METTL15: variants seen among roughly 807,000 people sequenced by gnomAD.
The protein encoded by METTL15 is methyltransferase 15, mitochondrial 12S rRNA N4-cytidine, also known as 12S rRNA N(4)-cytidine methyltransferase METTL15.
METTL15 carries 34 observed loss-of-function variants against 38.3 expected under a neutral mutation model. The observed-to-expected ratio is 0.89, with a 90% CI of 0.68 to 1.18. The LOEUF is 1.18. Among genes scored for constraint, METTL15 ranks in the 50% most tolerant of loss-of-function variants. The pLI, the probability that METTL15 is intolerant of heterozygous loss-of-function variation, is 0.00. For missense variants in METTL15, 438 were observed against 498.4 expected, an observed-to-expected ratio of 0.88 and a Z score of 1.15; for synonymous variants, 162 against 170.9, an observed-to-expected ratio of 0.95 and a Z score of 0.41.
chr11:28,297,022 T>C, intron 6 of METTL15, 91 bp downstream of exon 6: 1 of 1,298,260 alleles, frequency 7.7e-7, no homozygotes, highest in Non-Finnish European at 1.1e-6. Flanking sequence ...TGCACATGTG[T>C]GTGTGCATTA....
chr11:28,397,872 A>C (rs1488270956), intron 5 of METTL15, among the ~76,000 whole-genome samples: 3 of 152,192 alleles, frequency 2.0e-5, no homozygotes, highest in Non-Finnish European at 4.4e-5. Context: ...GGATTAAGAA[A>C]ATGTGGCACA....
intron 5 of METTL15, among the ~76,000 whole-genome samples, chr11:28,391,468 T>C (rs1386183909): frequency 6.6e-6 from 1 of 152,044 alleles, no homozygotes; most frequent in Non-Finnish European, 1.5e-5. Context: ...AAAGACCTTT[T>C]CTGCATCTAT....
intron 6 of METTL15, among the ~76,000 whole-genome samples, chr11:28,508,431 T>C (rs1370044457): frequency 6.6e-6 from 1 of 152,246 alleles, no homozygotes; most frequent in Non-Finnish European, 1.5e-5. Context: ...TTAGAATTTA[T>C]CAACACCATC....
chr11:28,391,798 T>G (rs1481968406), intron 5 of METTL15, among the ~76,000 whole-genome samples: 1 of 152,170 alleles, frequency 6.6e-6, no homozygotes, highest in African/African-American at 2.4e-5. Context: ...TCCTTTCACC[T>G]TACACAAAAA....
chr11:28,217,183 G>A (rs1030468897), intron 4 of METTL15, among the ~76,000 whole-genome samples: 4 of 152,096 alleles, frequency 2.6e-5, no homozygotes, highest in African/African-American at 7.2e-5. Context: ...CACCAACAGT[G>A]TAAAAGTGTT....
intron 3 of METTL15, among the ~76,000 whole-genome samples, chr11:28,194,397 A>T (rs1851832454): frequency 6.6e-6 from 1 of 151,296 alleles, no homozygotes; most frequent in African/African-American, 2.4e-5. Context: ...ATGGAGTTTT[A>T]CCATGTTGGT....
chr11:28,335,028 A>C (rs1174590161), downstream of METTL15, among the ~76,000 whole-genome samples: 1 of 152,198 alleles, frequency 6.6e-6, no homozygotes, highest in Non-Finnish European at 1.5e-5. Flanking sequence ...TGTCCTATTA[A>C]ATATATCATT....
At chr11:28,221,083 G>A (rs1853191318) in intron 4 of METTL15, among the ~76,000 whole-genome samples, 1 of 152,012 alleles carries the variant, frequency 6.6e-6, no homozygotes, top group African/African-American at 2.4e-5. Context: ...TGTTCTCTGT[G>A]TTTCCTGCAT....
At chr11:28,166,777 T>C (rs902011759) in intron 3 of METTL15, among the ~76,000 whole-genome samples, 8 of 152,112 alleles carry the variant, frequency 5.3e-5, no homozygotes, top group African/African-American at 1.9e-4. Context: ...TGGTGAAAAC[T>C]GTCTCTACCA....
At chr11:28,213,419 A>G (rs188379749) in intron 4 of METTL15, among the ~76,000 whole-genome samples, 162 of 152,184 alleles carry the variant, frequency 1.1e-3, no homozygotes, top group African/African-American at 2.2e-3. Context: ...AACCATAGAC[A>G]CAAGATAAGT....
At chr11:28,509,268 A>G (rs1851655447) in intron 6 of METTL15, among the ~76,000 whole-genome samples, 1 of 152,246 alleles carries the variant, frequency 6.6e-6, no homozygotes, top group Non-Finnish European at 1.5e-5. Context: ...CAGTGTAAAC[A>G]TAAGGTATTC....
At chr11:28,268,835 G>T (rs1253549494) in intron 4 of METTL15, among the ~76,000 whole-genome samples, 1 of 152,082 alleles carries the variant, frequency 6.6e-6, no homozygotes, top group Non-Finnish European at 1.5e-5. Context: ...GAATCACTTT[G>T]TCTTGGGGTA....
In METTL15 at chr11:28,109,932, GT is replaced by G. The variant is rs551716564; in HGVS notation, c.-253-231del. Among the ~76,000 whole-genome samples, 16 of 152,282 alleles carry G rather than the reference GT, an allele frequency of 1.1e-4. No individual in the cohort carries two copies. In the South Asian group the frequency reaches 3.3e-3, roughly 32 times the overall value. ...CTACTGTGCCACCTTGCTCCTTGTA[GT>G]TTCTAAACATAGAGCTAATGAGACA... is the stretch of plus-strand genomic sequence containing the variant. On this transcript the variant is annotated intron_variant, in intron 1 of 6. Coordinates refer to ENST00000407364, the MANE Select transcript of METTL15 (RefSeq NM_001113528.2).
In METTL15 at chr11:28,296,808, C is replaced by CT; in HGVS notation, c.657dup (p.Ala220CysfsTer76). On this transcript the variant is annotated frameshift_variant, in exon 6 of 7. Coordinates refer to ENST00000407364, the MANE Select transcript of METTL15 (RefSeq NM_001113528.2). LOFTEE classifies it high-confidence loss of function. ...TGTGAATGCTTTAGATCAACAGGCA[C>CT]TTGCATCTATCCTAAGAACATACGG... 1 of 1,613,490 alleles carries CT rather than the reference C, an allele frequency of 6.2e-7. No homozygotes were observed. The highest frequency in any genetic ancestry group is 8.5e-7 in the Non-Finnish European group (1 of 1,179,668).
At chr11:28,125,454 G>A (rs1203020187) in intron 3 of METTL15, 2 of 151,928 alleles carry the variant, frequency 1.3e-5, no homozygotes, top group East Asian at 1.9e-4. Context: ...TATGCAGTTG[G>A]ATAAACGAGT....
chr11:28,152,023 TTATAC>T lies in METTL15; in HGVS notation c.270+38424_270+38428del, dbSNP rs150917652. On this transcript the variant is annotated intron_variant, in intron 3 of 6. Coordinates refer to ENST00000407364, the MANE Select transcript of METTL15 (RefSeq NM_001113528.2). ...TTCCCAGCGTGAGTGCCTGGTTTAT[TTATAC>T]TATATAACACTAGTTAGTGGATCTT... 6.3e-3 allele frequency among the ~76,000 whole-genome samples: 961 copies of T among 152,190 alleles called. 10 individuals are homozygous for T. Among genetic ancestry groups the T allele is most frequent in the African/African-American group, 0.022 (924 of 41,548 alleles).
chr11:28,174,639 C>G (rs1850984609), intron 3 of METTL15, among the ~76,000 whole-genome samples: 1 of 151,410 alleles, frequency 6.6e-6, no homozygotes, highest in South Asian at 2.1e-4. Flanking sequence ...ACGGTGAAAC[C>G]CCGTCTCTAC....
chr11:28,352,411 C>T (rs761274935), intron 4 of METTL15, among the ~76,000 whole-genome samples: 3 of 152,054 alleles, frequency 2.0e-5, no homozygotes, highest in Non-Finnish European at 4.4e-5. Context: ...GTAGGGGAGA[C>T]AATCAGTAAA....
At chr11:28,205,498 G>T (rs1347009701) in intron 3 of METTL15, among the ~76,000 whole-genome samples, 1 of 151,956 alleles carries the variant, frequency 6.6e-6, no homozygotes, top group Non-Finnish European at 1.5e-5. Context: ...TCTTAATCCA[G>T]TCTATCATTG....
Sources: gnomAD v4.1 joint callset for allele counts (sites outside exome capture counted in the v4.1 genomes callset) on GRCh38, gnomAD v4.1.1 for gene constraint, MANE v1.5 for transcripts, NCBI Gene and HGNC (gene_info 2026-07-23, HGNC 2026-07-21) for gene names.